Variants in NEB observed in about 807,000 individuals in gnomAD.
NEB encodes nebulin.
In NEB, 512 loss-of-function variants were observed where a neutral mutation model predicts 952.2. That is an observed-to-expected ratio of 0.54 (90% confidence interval 0.50 to 0.58). NEB has a LOEUF of 0.58. NEB is among the 20% of genes least tolerant of loss of function. NEB has a pLI of 0.00. For synonymous variants in NEB, 2,900 were observed against 3,149.8 expected (o/e 0.92, Z 2.66); for missense variants, 8,428 against 9,231.1 (o/e 0.91, Z 3.56).
chr2:151,666,993 A>G (rs908728216), intron 40 of NEB, among the ~76,000 whole-genome samples: 33 of 152,000 alleles, frequency 2.2e-4, no homozygotes, highest in African/African-American at 8.0e-4. Context: ...TTTCTCTATC[A>G]AGGCATTTAT....
intron 129 of NEB, among the ~76,000 whole-genome samples, chr2:151,551,244 C>T (rs1481981260): frequency 1.3e-5 from 2 of 152,176 alleles, no homozygotes; most frequent in African/African-American, 4.8e-5. Context: ...GCTGGGATTA[C>T]AGGCATGAAC....
chr2:151,547,473 G>T lies in NEB; in HGVS notation c.20323C>A (p.Pro6775Thr). Reference protein sequence around the residue: ...QGHMISLPYTPQVIHCRYVGD... With the variant: ...QGHMISLPYTTQVIHCRYVGD... ...ACATAGCGGCAATGGATCACTTGGGGTGTGTATGGCAGAGAGATCATGTGG... is the reference window on the plus strand; with the variant it reads ...ACATAGCGGCAATGGATCACTTGGGTTGTGTATGGCAGAGAGATCATGTGG... Residue 6775 changes from proline to threonine, a missense_variant, in exon 133 of 182, where the codon CCC becomes ACC. Coordinates refer to ENST00000397345, the MANE Select transcript of NEB (RefSeq NM_001164508.2). 1 of 1,607,732 alleles carries T rather than the reference G, an allele frequency of 6.2e-7. No individual in the cohort carries two copies. The highest frequency in any genetic ancestry group is 1.1e-5 in the South Asian group (1 of 89,362).
At chr2:151,577,736 G>A (rs369805203) in intron 105 of NEB, among the ~76,000 whole-genome samples, 1 of 152,036 alleles carries the variant, frequency 6.6e-6, no homozygotes. Flanking sequence ...ATGCCACCAC[G>A]CCAGGCTAAT....
At chr2:151,487,292 TAAG>T (rs1264928691) in intron 181 of NEB, among the ~76,000 whole-genome samples, 1 of 152,210 alleles carries the variant, frequency 6.6e-6, no homozygotes, top group Non-Finnish European at 1.5e-5. Flanking sequence ...AGGTATATAA[TAAG>T]TGATAATATC....
At position 151,562,676 on chromosome 2, in the gene NEB, A is replaced by G; in HGVS notation, c.18826T>C (p.Trp6276Arg). 1.9e-6 allele frequency: 3 copies of G among 1,602,522 alleles called. No homozygotes were observed. Among genetic ancestry groups the G allele is most frequent in the Non-Finnish European group, 2.6e-6 (3 of 1,171,446 alleles). The change falls in exon 120 of 182, where the codon TGG (tryptophan) becomes CGG (arginine). Residue 6276 changes from tryptophan (W) to arginine (R), a missense_variant. By Grantham distance (101) the Trp-to-Arg change is moderately radical. Transcript: ENST00000397345. ...DLEYRHYFHQWTSLLEEPNVI... is the reference protein window; with the variant it reads ...DLEYRHYFHQRTSLLEEPNVI... ...TTGGGTTCTTCCAGAAGAGACGTCC[A>G]CTGGTGGAAATAGTGTCGATACTCC... is the stretch of plus-strand genomic sequence containing the variant.
At chr2:151,503,179 C>T (rs757055441) in intron 166 of NEB, 170 bp downstream of exon 166, 8 of 606,982 alleles carry the variant, frequency 1.3e-5, no homozygotes, top group South Asian at 6.4e-5. Flanking sequence ...CAAGTATAAT[C>T]GGAAATGTGA....
intron 13 of NEB, among the ~76,000 whole-genome samples, chr2:151,699,132 G>T (rs2099625093): frequency 7.3e-6 from 1 of 136,574 alleles, no homozygotes; most frequent in African/African-American, 2.7e-5. Context: ...TTGTTCTTGC[G>T]ATAGTTTACT....
At chr2:151,667,429 A>G (rs1385445589) in intron 40 of NEB, among the ~76,000 whole-genome samples, 3 of 152,136 alleles carry the variant, frequency 2.0e-5, no homozygotes, top group African/African-American at 7.2e-5. Context: ...AAGTGAGGCA[A>G]TATAAATAAC....
intron 23 of NEB, 70 bp downstream of exon 23, chr2:151,691,794 T>C: frequency 8.7e-7 from 1 of 1,153,134 alleles, no homozygotes; most frequent in Non-Finnish European, 1.3e-6. Flanking sequence ...TGTAAACTCC[T>C]GCTAAATTTA....
intron 36 of NEB, among the ~76,000 whole-genome samples, chr2:151,673,607 T>C (rs1278543552): frequency 6.6e-6 from 1 of 152,160 alleles, no homozygotes; most frequent in Non-Finnish European, 1.5e-5. Context: ...CTCTATTTCC[T>C]ATGTGGTCTG....
chr2:151,677,056 T>C (rs2154208094), intron 34 of NEB, among the ~76,000 whole-genome samples: 1 of 152,314 alleles, frequency 6.6e-6, no homozygotes, highest in South Asian at 2.1e-4. Context: ...GATACACACC[T>C]CAATCAGATG....
intron 18 of NEB, 42 bp from the exon 19 acceptor site, chr2:151,694,671 T>C (rs998082799): frequency 1.3e-6 from 2 of 1,486,208 alleles, no homozygotes; most frequent in African/African-American, 1.4e-5. Context: ...AAAAGTGATA[T>C]GCATGTCACG....
chr2:151,499,264 T>TA, intron 169 of NEB, 34 bp downstream of exon 169: 1 of 1,108,922 alleles, frequency 9.0e-7, no homozygotes, highest in South Asian at 1.5e-5. Flanking sequence ...AACATTTTTT[T>TA]AAATAATTAA....
intron 12 of NEB, among the ~76,000 whole-genome samples, chr2:151,708,188 C>CGG (rs763916002): frequency 0.022 from 3,308 of 152,282 alleles, 33 homozygotes; most frequent in East Asian, 0.048. Context: ...GGATTCTTTC[C>CGG]ATCAACATGA....
chr2:151,518,795 G>A (rs2079852458), intron 155 of NEB, among the ~76,000 whole-genome samples, 170 bp downstream of exon 155: 1 of 152,176 alleles, frequency 6.6e-6, no homozygotes, highest in South Asian at 2.1e-4. Flanking sequence ...TACAGACAAT[G>A]GAGAATTGGT....
Position 151,659,047 on chromosome 2 carries a change from A to G in NEB, c.6075+18T>C. On this transcript the variant is annotated intron_variant, in intron 47 of 181. Transcript: ENST00000397345. ...ATCTGCTGGAGAGAAAGATGACAAC[A>G]GGGGGAACTATACTTACATCACTCA... 1 of 1,490,430 alleles carries G rather than the reference A, an allele frequency of 6.7e-7. No individual in the cohort carries two copies. Among genetic ancestry groups the G allele is most frequent in the Non-Finnish European group, 9.4e-7 (1 of 1,067,494 alleles). The allele number at this position is 1,490,430 out of a possible 1,614,324, so 92.3% of individuals were successfully genotyped here.
rs1187437762 is a variant in NEB, at chr2:151,485,895, A to C, written c.25443T>G (p.Asp8481Glu). The part of the protein sequence containing the change: ...FRAMYDYMAA[D>E]ADEVSFKDGD... The stretch of plus-strand genomic sequence containing the variant: ...CATCCTTGAAGGACACCTCATCTGC[A>C]TCAGCAGCCATATAGTCATACATGG... The change falls in exon 182 of 182, where the codon GAT becomes GAG. Residue 8481 changes from aspartate to glutamate, a missense_variant. Asp to Glu is a conservative substitution (Grantham distance 45, BLOSUM62 2). Around this residue, in one of 11 missense-constraint regions of NEB, gnomAD observed 3,374 missense variants for 3,651.5 expected, o/e 0.92. Coordinates refer to ENST00000397345, the MANE Select transcript of NEB (RefSeq NM_001164508.2). 1 of 1,613,984 alleles carries C rather than the reference A, an allele frequency of 6.2e-7. No individual in the cohort carries two copies. Among genetic ancestry groups the C allele is most frequent in the South Asian group, 1.1e-5 (1 of 91,088 alleles).
Position 151,567,218 on chromosome 2 carries a change from C to G in NEB, c.18106G>C (p.Asp6036His). The G allele has an allele frequency of 9.3e-6, 15 of 1,613,446 alleles. No individual in the cohort carries two copies. Among genetic ancestry groups the G allele is most frequent in the Non-Finnish European group, 1.3e-5 (15 of 1,179,558 alleles). Residue 6036 changes from aspartate to histidine, a missense_variant, in exon 114 of 182, where the codon GAC becomes CAC. Asp to His is a moderately conservative substitution (Grantham distance 81). Transcript: ENST00000397345. ...CTTGCCTGAATAACATCGTTCTGGT[C>G]AGGATGACACATCCATTGGTGCAAG... is the stretch of plus-strand genomic sequence containing the variant. The part of the protein sequence containing the change: ...NYLHQWMCHP[D>H]QNDVIQARKA...
intron 169 of NEB, among the ~76,000 whole-genome samples, chr2:151,498,669 A>G (rs116216525): frequency 0.015 from 2,266 of 152,314 alleles, 79 homozygotes; most frequent in East Asian, 0.14. Flanking sequence ...GAGGGAAAAA[A>G]GTAGAAACAG....
Sources: gnomAD v4.1 joint callset for allele counts (sites outside exome capture counted in the v4.1 genomes callset) on GRCh38, gnomAD v4.1.1 for gene constraint, gnomAD v4.1.1 regional missense constraint, MANE v1.5 for transcripts, NCBI Gene and HGNC (gene_info 2026-07-23, HGNC 2026-07-21) for gene names.